Variants in CNTN4 observed in about 807,000 individuals in gnomAD.
CNTN4 encodes the protein contactin-4.
A neutral mutation model predicts 122.5 loss-of-function variants in CNTN4; 77 were observed. The observed-to-expected ratio is 0.63, with a 90% confidence interval of 0.52 to 0.76. The LOEUF is 0.76. CNTN4 is among the 30% of genes least tolerant of loss of function. The pLI is 0.00. For synonymous variants in CNTN4, 512 were observed against 447.0 expected (o/e 1.15, Z -1.83); for missense variants, 1,256 against 1,259.1 (o/e 1.00, Z 0.04).
chr3:2,432,866 T>C (rs2048128102), intron 3 of CNTN4, among the ~76,000 whole-genome samples: 1 of 149,832 alleles, frequency 6.7e-6, no homozygotes, highest in Non-Finnish European at 1.5e-5. Context: ...TGGAGTGCAG[T>C]GGTGAGCTCT....
chr3:2,978,889 C>T (rs533404276), intron 13 of CNTN4, among the ~76,000 whole-genome samples: 1 of 152,278 alleles, frequency 6.6e-6, no homozygotes, highest in African/African-American at 2.4e-5. Context: ...ATAAGTTAGT[C>T]GCTCACCCCT....
At chr3:2,125,283 T>C (rs2125239599) in intron 2 of CNTN4, among the ~76,000 whole-genome samples, 1 of 152,144 alleles carries the variant, frequency 6.6e-6, no homozygotes, top group East Asian at 1.9e-4. Context: ...TGTTGTCACA[T>C]ATGGCAGGAT....
intron 3 of CNTN4, among the ~76,000 whole-genome samples, chr3:2,388,167 A>C (rs1475094104): frequency 6.6e-6 from 1 of 152,236 alleles, no homozygotes; most frequent in African/African-American, 2.4e-5. Flanking sequence ...TTTCATGCTG[A>C]AAGAGCCAGT....
At chr3:2,685,117 G>C (rs1053637400) in intron 4 of CNTN4, among the ~76,000 whole-genome samples, 1 of 151,968 alleles carries the variant, frequency 6.6e-6, no homozygotes, top group African/African-American at 2.4e-5. Flanking sequence ...TCTTTTCCTT[G>C]TGTCTACATT....
chr3:2,113,941 T>C (rs2033153518), intron 2 of CNTN4, among the ~76,000 whole-genome samples: 1 of 152,212 alleles, frequency 6.6e-6, no homozygotes, highest in African/African-American at 2.4e-5. Flanking sequence ...GCTGAGGTCC[T>C]GCATAGCCAG....
chr3:2,189,638 G>A (rs1559326632), intron 2 of CNTN4, among the ~76,000 whole-genome samples: 1 of 152,092 alleles, frequency 6.6e-6, no homozygotes, highest in Non-Finnish European at 1.5e-5. Context: ...AAGAATGAGG[G>A]GCTGGAGCCC....
chr3:2,664,906 G>C (rs901107420), intron 4 of CNTN4, among the ~76,000 whole-genome samples: 2 of 152,148 alleles, frequency 1.3e-5, no homozygotes, highest in Non-Finnish European at 2.9e-5. Flanking sequence ...TTGTAAGTGG[G>C]TTTGGCTTCA....
At chr3:2,848,858 A>G (rs1280626622) in intron 7 of CNTN4, among the ~76,000 whole-genome samples, 1 of 152,242 alleles carries the variant, frequency 6.6e-6, no homozygotes, top group Admixed American at 6.5e-5. Context: ...GAAAATGCTG[A>G]TTGGGCAGCC....
chr3:2,443,094 G>A (rs940853360), intron 3 of CNTN4, among the ~76,000 whole-genome samples: 2 of 151,252 alleles, frequency 1.3e-5, no homozygotes, highest in African/African-American at 2.4e-5. Flanking sequence ...CCCATGACGT[G>A]TGTTTACCTG....
chr3:2,887,661 T>C (rs1288192647), intron 10 of CNTN4, among the ~76,000 whole-genome samples: 1 of 152,192 alleles, frequency 6.6e-6, no homozygotes, highest in African/African-American at 2.4e-5. Context: ...AGCAATTTAA[T>C]GTGGTACCAT....
At chr3:2,757,982 T>G (rs2090414793) in intron 6 of CNTN4, among the ~76,000 whole-genome samples, 1 of 152,208 alleles carries the variant, frequency 6.6e-6, no homozygotes, top group African/African-American at 2.4e-5. Context: ...TATCTGTCAT[T>G]AGCATTTCAG....
intron 2 of CNTN4, among the ~76,000 whole-genome samples, chr3:2,169,554 C>CT (rs1464666658): frequency 3.3e-5 from 5 of 150,590 alleles, no homozygotes; most frequent in South Asian, 2.1e-4. Flanking sequence ...CTACAGGCGC[C>CT]GCCACCACGC....
intron 2 of CNTN4, among the ~76,000 whole-genome samples, chr3:2,138,851 TTCTC>T (rs147643217): frequency 4.0e-5 from 6 of 150,388 alleles, no homozygotes; most frequent in African/African-American, 1.2e-4. Flanking sequence ...ATAAATTTTC[TTCTC>T]TCTCTCTCTC....
At chr3:2,323,370 C>CTCAA (rs2043337477) in intron 2 of CNTN4, among the ~76,000 whole-genome samples, 1 of 152,122 alleles carries the variant, frequency 6.6e-6, no homozygotes, top group Non-Finnish European at 1.5e-5. Context: ...GTGCCATGGT[C>CTCAA]TCATGGAGAT....
At chr3:2,911,521 G>A (rs573693079) in intron 12 of CNTN4, among the ~76,000 whole-genome samples, 1 of 152,182 alleles carries the variant, frequency 6.6e-6, no homozygotes, top group African/African-American at 2.4e-5. Flanking sequence ...AGATAATAAA[G>A]CACACAAAGA....
At chr3:2,806,857 A>G (rs1451420049) in intron 6 of CNTN4, among the ~76,000 whole-genome samples, 4 of 152,290 alleles carry the variant, frequency 2.6e-5, no homozygotes, top group African/African-American at 9.6e-5. Context: ...ATCCTCCCAC[A>G]CTTAGAAGTA....
intron 5 of CNTN4, among the ~76,000 whole-genome samples, chr3:2,740,772 A>G (rs1392864902): frequency 6.6e-6 from 1 of 152,226 alleles, no homozygotes; most frequent in Non-Finnish European, 1.5e-5. Context: ...ATGAACTGAG[A>G]TAAGTAATTT....
chr3:2,705,652 GTATAT>G (rs1331624618), intron 4 of CNTN4, among the ~76,000 whole-genome samples: 10 of 65,200 alleles, frequency 1.5e-4, no homozygotes, highest in Non-Finnish European at 2.0e-4. Context: ...TATATAAAAA[GTATAT>G]TATATATATT....
At chr3:2,868,439 C>T (rs959652671) in intron 8 of CNTN4, among the ~76,000 whole-genome samples, 1 of 152,070 alleles carries the variant, frequency 6.6e-6, no homozygotes, top group Non-Finnish European at 1.5e-5. Context: ...AAATGCAAGA[C>T]GGGAACTCAG....
Sources: gnomAD v4.1 joint callset for allele counts (sites outside exome capture counted in the v4.1 genomes callset) on GRCh38, gnomAD v4.1.1 for gene constraint, MANE v1.5 for transcripts, NCBI Gene and HGNC (gene_info 2026-07-23, HGNC 2026-07-21) for gene names.